CALCOCO2: variants seen among roughly 807,000 people sequenced by gnomAD.
CALCOCO2 encodes calcium-binding and coiled-coil domain-containing protein 2.
In CALCOCO2, 42 loss-of-function variants were observed where a neutral mutation model predicts 62.5. The observed-to-expected ratio is 0.67, with a 90% CI of 0.53 to 0.87. The LOEUF (loss-of-function observed/expected upper bound fraction) is 0.87. CALCOCO2 is among the 40% of genes least tolerant of loss of function. CALCOCO2 has a pLI of 0.00. For synonymous variants in CALCOCO2, 167 were observed against 173.0 expected, an observed-to-expected ratio of 0.97 and a Z score of 0.27; for missense variants, 456 against 515.0, an observed-to-expected ratio of 0.89 and a Z score of 1.11.
At chr17:48,836,745 C>T (rs1330292476) in intron 1 of CALCOCO2, among the ~76,000 whole-genome samples, 2 of 151,016 alleles carry the variant, frequency 1.3e-5, no homozygotes, top group Non-Finnish European at 2.9e-5. Context: ...GAGGGGCAGT[C>T]CCGGAAGTCA....
chr17:48,840,623 C>G (rs2143588119), intron 1 of CALCOCO2, among the ~76,000 whole-genome samples: 1 of 152,300 alleles, frequency 6.6e-6, no homozygotes. Flanking sequence ...CAAAAACTCA[C>G]TTGTCGAAAT....
rs1567761885 is a variant in CALCOCO2, at chr17:48,862,729, A to C, written c.1174-109A>C. On this transcript the variant is annotated intron_variant, in intron 12 of 12. Transcript: ENST00000258947. ...TTCACTATTTCTTGAGTGCCTAACC[A>C]TGTGCCAGTCATTATGCTAGGCACT... 4.8e-6 allele frequency: 4 copies of C among 836,586 alleles called. No individual in the cohort carries two copies. The Admixed American group carries it at 7.6e-5, about 16-fold the overall frequency. 51.8% of individuals were successfully genotyped at this position (836,586 alleles called of 1,614,324 possible).
At position 48,858,046 on chromosome 17, in the gene CALCOCO2, A is replaced by AGAATAGAATAGAATAGAATAGAATAG; in HGVS notation, c.1008+1859_1008+1860insGAATAGAATAGAATAGAATAGAATAG. On this transcript the variant is annotated intron_variant, in intron 10 of 12. Coordinates refer to ENST00000258947, the MANE Select transcript of CALCOCO2 (RefSeq NM_005831.5). ...ATAGAATAGAATAGAATAGAATAGA[A>AGAATAGAATAGAATAGAATAGAATAG]AATAGAATAGAATAGAATAGAATAG... Among the ~76,000 whole-genome samples, 14 of 40,038 alleles carry AGAATAGAATAGAATAGAATAGAATAG rather than the reference A, an allele frequency of 3.5e-4. 1 individual carries two copies. Among genetic ancestry groups the AGAATAGAATAGAATAGAATAGAATAG allele is most frequent in the African/African-American group, 1.3e-3 (14 of 10,772 alleles). 26.3% of individuals were successfully genotyped at this position (40,038 alleles called of 152,430 possible).
intron 8 of CALCOCO2, 104 bp from the exon 9 acceptor site, chr17:48,852,822 C>T (rs1318682667): frequency 2.0e-6 from 2 of 998,204 alleles, no homozygotes; most frequent in African/African-American, 1.6e-5. Flanking sequence ...ACTTGCCTCT[C>T]CCTATGCATC....
chr17:48,849,473 A>C, intron 5 of CALCOCO2, 96 bp downstream of exon 5: 20 of 963,248 alleles, frequency 2.1e-5, no homozygotes, highest in Non-Finnish European at 2.2e-5. Flanking sequence ...CTGTGATCTC[A>C]CCTTCTTATA....
At chr17:48,849,462 C>A in intron 5 of CALCOCO2, 85 bp downstream of exon 5, 1 of 1,180,740 alleles carries the variant, frequency 8.5e-7, no homozygotes, top group Non-Finnish European at 1.2e-6. Context: ...TTCTGTTTTG[C>A]CTGTGATCTC....
rs372868870 is a variant in CALCOCO2, at chr17:48,858,572, C to T, written c.1009-1742C>T. On this transcript the variant is annotated intron_variant, in intron 10 of 12. Coordinates refer to ENST00000258947, the MANE Select transcript of CALCOCO2 (RefSeq NM_005831.5). Reference sequence around the variant, plus strand: ...GTTGAACTCCTGGGCTCAAGCAATCCGCCCACCTCAGCCTCCCAAAGTGAT... The same window carrying T: ...GTTGAACTCCTGGGCTCAAGCAATCTGCCCACCTCAGCCTCCCAAAGTGAT... 4.7e-3 allele frequency among the ~76,000 whole-genome samples: 720 copies of T among 152,022 alleles called. 5 individuals carry two copies. Among genetic ancestry groups the T allele is most frequent in the African/African-American group, 0.016 (663 of 41,488 alleles).
intron 5 of CALCOCO2, 74 bp downstream of exon 5, chr17:48,849,451 AT>A: frequency 7.6e-7 from 1 of 1,311,266 alleles, no homozygotes; most frequent in South Asian, 1.3e-5. Flanking sequence ...CCAGCACCAT[AT>A]TCTGTTTTGC....
At chr17:48,859,045 CAAAAAAAA>C (rs61643790) in intron 10 of CALCOCO2, among the ~76,000 whole-genome samples, 10 of 35,648 alleles carry the variant, frequency 2.8e-4, no homozygotes, top group South Asian at 2.9e-3. Context: ...GACTCTGTCT[CAAAAAAAA>C]AAAAAAAAAA....
intron 2 of CALCOCO2, among the ~76,000 whole-genome samples, chr17:48,844,265 G>A (rs967257005): frequency 1.1e-4 from 17 of 152,092 alleles, no homozygotes; most frequent in African/African-American, 4.1e-4. Context: ...ATTGGTTAAT[G>A]CAGGTACAGA....
At chr17:48,842,228 C>G (rs1301257623) in intron 2 of CALCOCO2, 1 of 145,940 alleles carries the variant, frequency 6.9e-6, no homozygotes. Context: ...CGATTTGTCT[C>G]ACTGCTACCT....
At chr17:48,862,125 G>A (rs1239217946) in intron 11 of CALCOCO2, 151 bp from the exon 12 acceptor site, 1 of 699,316 alleles carries the variant, frequency 1.4e-6, no homozygotes, top group Non-Finnish European at 2.6e-6. Flanking sequence ...CCCTCTATCA[G>A]AAGTAACGGT....
intron 9 of CALCOCO2, among the ~76,000 whole-genome samples, chr17:48,853,748 C>A (rs2040165023): frequency 6.6e-6 from 1 of 152,168 alleles, no homozygotes; most frequent in African/African-American, 2.4e-5. Context: ...AAGTAGTTAC[C>A]AACATTTAAA....
Position 48,852,833 on chromosome 17 carries a change from C to T in CALCOCO2, c.826-93C>T. 4 of 1,060,398 alleles carry T rather than the reference C, an allele frequency of 3.8e-6. No individual in the cohort carries two copies. The South Asian group carries it at 5.2e-5, about 14-fold the overall frequency. 65.7% of individuals were successfully genotyped at this position (1,060,398 alleles called of 1,614,324 possible). ...GAAGACTTGCCTCTCCCTATGCATC[C>T]TGCTTGCTCATTAGCTTAGCAGGCC... is the stretch of plus-strand genomic sequence containing the variant. On this transcript the variant is annotated intron_variant, in intron 8 of 12. Coordinates refer to ENST00000258947, the MANE Select transcript of CALCOCO2 (RefSeq NM_005831.5).
chr17:48,852,601 C>T lies in CALCOCO2; in HGVS notation c.798C>T (p.Asp266=). Residue 266 remains aspartate (D), a synonymous_variant, in exon 8 of 13, where the codon GAC becomes GAT. Transcript: ENST00000258947. The stretch of plus-strand genomic sequence containing the variant: ...TAGAGCAGCTGAAAAAGGAAAATGA[C>T]CACCTCTTTCTCAGTTTAACTGAAC... ...EQLEQLKKEN[D]HLFLSLTEQR... The T allele has an allele frequency of 6.2e-7, 1 of 1,613,340 alleles. No individual in the cohort carries two copies. Among genetic ancestry groups the T allele is most frequent in the Non-Finnish European group, 8.5e-7 (1 of 1,179,298 alleles).
chr17:48,851,020 G>T, intron 5 of CALCOCO2, 69 bp from the exon 6 acceptor site: 1 of 815,684 alleles, frequency 1.2e-6, no homozygotes. Flanking sequence ...AATATTTGTT[G>T]CCTGCCTAAG....
intron 1 of CALCOCO2, among the ~76,000 whole-genome samples, chr17:48,837,627 C>G (rs946042462): frequency 1.3e-5 from 2 of 151,588 alleles, no homozygotes; most frequent in African/African-American, 4.9e-5. Context: ...GCCTGGGGAA[C>G]AGAGCGAAAC....
intron 7 of CALCOCO2, 75 bp downstream of exon 7, chr17:48,851,703 A>T: frequency 1.2e-6 from 1 of 849,488 alleles, no homozygotes; most frequent in Admixed American, 1.7e-5. Context: ...GCCTAGAAAG[A>T]TGTATTTCAT....
chr17:48,861,661 G>GTATATATATATATATATATA (rs59973644), intron 11 of CALCOCO2, among the ~76,000 whole-genome samples: 5 of 135,138 alleles, frequency 3.7e-5, no homozygotes, highest in African/African-American at 1.2e-4. Context: ...ATGTGTGTGT[G>GTATATATATATATATATATA]TATATATATA....
Sources: gnomAD v4.1 joint callset for allele counts (sites outside exome capture counted in the v4.1 genomes callset) on GRCh38, gnomAD v4.1.1 for gene constraint, MANE v1.5 for transcripts, NCBI Gene and HGNC (gene_info 2026-07-23, HGNC 2026-07-21) for gene names.